The following NCAM2 variants were observed in gnomAD, a reference collection of about 807,000 sequenced individuals.
NCAM2 encodes N-CAM-2.
In NCAM2, 30 loss-of-function variants were observed where a neutral mutation model predicts 98.1. The observed-to-expected ratio is 0.31, with a 90% CI of 0.23 to 0.41. The LOEUF (loss-of-function observed/expected upper bound fraction) is 0.41, where lower values mean the gene tolerates loss of function less well. Among genes scored for constraint, NCAM2 ranks in the 10% least tolerant of loss-of-function variants. NCAM2 has a pLI of 1.00. For missense variants in NCAM2, 867 were observed against 1,005.8 expected, an observed-to-expected ratio of 0.86 and a Z score of 1.87; for synonymous variants, 368 against 342.4, an observed-to-expected ratio of 1.07 and a Z score of -0.83.
At chr21:21,162,869 G>A (rs780042258) in intron 1 of NCAM2, among the ~76,000 whole-genome samples, 4 of 152,110 alleles carry the variant, frequency 2.6e-5, no homozygotes, top group South Asian at 4.1e-4. Flanking sequence ...TGAAGAAACC[G>A]GATTGATGTT....
At chr21:21,238,370 G>A (rs2147223315) in intron 1 of NCAM2, among the ~76,000 whole-genome samples, 1 of 152,110 alleles carries the variant, frequency 6.6e-6, no homozygotes, top group South Asian at 2.1e-4. Flanking sequence ...ACATTTATTT[G>A]CTTAGCCAAA....
intron 6 of NCAM2, among the ~76,000 whole-genome samples, chr21:21,325,261 A>T (rs904791502): frequency 2.0e-5 from 3 of 152,182 alleles, no homozygotes; most frequent in Non-Finnish European, 2.9e-5. Flanking sequence ...AAAATTATTT[A>T]AAAAGATTAG....
intron 1 of NCAM2, among the ~76,000 whole-genome samples, chr21:21,163,905 A>C (rs1260917615): frequency 6.6e-6 from 1 of 152,186 alleles, no homozygotes; most frequent in African/African-American, 2.4e-5. Context: ...AATAATTAGT[A>C]CAGTGGGACC....
chr21:21,168,793 G>C (rs901271523), intron 1 of NCAM2, among the ~76,000 whole-genome samples: 1 of 152,050 alleles, frequency 6.6e-6, no homozygotes, highest in Non-Finnish European at 1.5e-5. Context: ...TATCAAAGAA[G>C]AACTAAATAA....
rs183185502 is a variant in NCAM2, at chr21:21,073,914, A to T, written c.55+75296A>T. Among the ~76,000 whole-genome samples, 4 of 152,324 alleles carry T rather than the reference A, an allele frequency of 2.6e-5. No individual in the cohort carries two copies. The East Asian group carries it at 5.8e-4, about 22-fold the overall frequency. Reference sequence around the variant, plus strand: ...TACAGAAGACGAACCTGAGACTCTGATTGAGGATTTAAAGTGACTAGCAGA... The same window carrying T: ...TACAGAAGACGAACCTGAGACTCTGTTTGAGGATTTAAAGTGACTAGCAGA... On this transcript the variant is annotated intron_variant, in intron 1 of 17. Transcript: ENST00000400546.
chr21:21,023,988 C>T (rs1020909501), intron 1 of NCAM2, among the ~76,000 whole-genome samples: 2 of 152,110 alleles, frequency 1.3e-5, no homozygotes, highest in South Asian at 2.1e-4. Context: ...AACCACTGAG[C>T]CCTGTGGGTA....
intron 10 of NCAM2, among the ~76,000 whole-genome samples, chr21:21,416,287 A>G (rs1050378850): frequency 6.6e-6 from 1 of 152,190 alleles, no homozygotes; most frequent in African/African-American, 2.4e-5. Context: ...TCTTAGGGGC[A>G]CAGTTTGTGG....
Position 21,192,682 on chromosome 21 carries a change from C to G in NCAM2, c.56-87896C>G, listed in dbSNP as rs73334368. 4.0e-3 allele frequency among the ~76,000 whole-genome samples: 614 copies of G among 152,150 alleles called. 10 individuals are homozygous for G. The highest frequency in any genetic ancestry group is 0.014 in the African/African-American group (590 of 41,530). On this transcript the variant is annotated intron_variant, in intron 1 of 17. Coordinates refer to ENST00000400546, the MANE Select transcript of NCAM2 (RefSeq NM_004540.5). The stretch of plus-strand genomic sequence containing the variant: ...AACAAACAAACAAATGAAAAATCCA[C>G]AAAGGGCTGAGGTTGATGGTGAAGG...
intron 1 of NCAM2, among the ~76,000 whole-genome samples, chr21:21,089,387 T>A (rs2065968260): frequency 6.6e-6 from 1 of 152,154 alleles, no homozygotes; most frequent in Non-Finnish European, 1.5e-5. Flanking sequence ...TTTCTCTCCC[T>A]AATATGTCTA....
intron 1 of NCAM2, among the ~76,000 whole-genome samples, chr21:21,101,590 A>T (rs2066241782): frequency 1.3e-5 from 2 of 152,062 alleles, no homozygotes; most frequent in Admixed American, 1.3e-4. Flanking sequence ...TGATTTAGTA[A>T]ACATGGCACA....
chr21:21,418,096 T>C (rs1012695189), intron 10 of NCAM2, among the ~76,000 whole-genome samples: 3 of 137,666 alleles, frequency 2.2e-5, no homozygotes, highest in African/African-American at 5.4e-5. Context: ...TATAGATACA[T>C]ATATATATAC....
intron 1 of NCAM2, among the ~76,000 whole-genome samples, chr21:21,171,351 TAGTA>T (rs766237576): frequency 2.6e-5 from 4 of 152,248 alleles, no homozygotes; most frequent in Non-Finnish European, 4.4e-5. Flanking sequence ...TAGGCACTGA[TAGTA>T]AGAGGATTTG....
chr21:21,456,387 A>G (rs185811942), intron 12 of NCAM2, among the ~76,000 whole-genome samples: 19 of 152,044 alleles, frequency 1.2e-4, no homozygotes, highest in African/African-American at 4.4e-4. Flanking sequence ...TGTGATTACA[A>G]TTTGCTCCTG....
At chr21:21,440,278 A>G (rs1039128772) in intron 12 of NCAM2, among the ~76,000 whole-genome samples, 1 of 152,210 alleles carries the variant, frequency 6.6e-6, no homozygotes, top group Non-Finnish European at 1.5e-5. Context: ...ACCACAGTAC[A>G]TGTATCAAAA....
At chr21:21,476,301 T>C (rs1985159809) in intron 14 of NCAM2, among the ~76,000 whole-genome samples, 1 of 152,156 alleles carries the variant, frequency 6.6e-6, no homozygotes, top group African/African-American at 2.4e-5. Context: ...TCCATACAGT[T>C]TTTATGGAAA....
chr21:21,096,949 T>C (rs2066137159), intron 1 of NCAM2, among the ~76,000 whole-genome samples: 1 of 151,812 alleles, frequency 6.6e-6, no homozygotes, highest in Non-Finnish European at 1.5e-5. Context: ...GCCTCTGTAA[T>C]GGAGACAGTG....
intron 8 of NCAM2, among the ~76,000 whole-genome samples, chr21:21,358,528 G>T (rs1225847171): frequency 6.6e-6 from 1 of 151,876 alleles, no homozygotes; most frequent in African/African-American, 2.4e-5. Context: ...TGAAACATTT[G>T]TTACTTAGAA....
chr21:21,489,271 A>G (rs1986653115), intron 15 of NCAM2, among the ~76,000 whole-genome samples: 1 of 152,218 alleles, frequency 6.6e-6, no homozygotes, highest in Admixed American at 6.5e-5. Context: ...CTGGAATTAC[A>G]GGCGTGAGCC....
rs1002483350 is a variant in NCAM2, at chr21:21,335,517, C to A, written c.750C>A (p.Leu250=). 2 of 1,590,958 alleles carry A rather than the reference C, an allele frequency of 1.3e-6. No homozygotes were observed. Among genetic ancestry groups the A allele is most frequent in the Non-Finnish European group, 1.7e-6 (2 of 1,170,104 alleles). The stretch of plus-strand genomic sequence containing the variant: ...TTTTCTTCTTTAGGAATGGCAAGCT[C>A]ATTGAAGAAAATGAGAAGTACATAT... ...PAISWFRNGK[L]IEENEKYILK... is the part of the protein sequence containing the mutation. Residue 250 remains leucine (L), a synonymous_variant, in exon 7 of 18, where the codon CTC becomes CTA. Transcript: ENST00000400546.
Sources: allele counts gnomAD v4.1 joint callset (sites outside exome capture counted in the v4.1 genomes callset), GRCh38; gene constraint gnomAD v4.1.1; transcripts MANE v1.5; gene names NCBI Gene and HGNC (gene_info 2026-07-23, HGNC 2026-07-21).